Variants in FHIT observed in about 807,000 individuals in gnomAD.
FHIT encodes fragile histidine triad diadenosine triphosphatase.
In FHIT, 19 loss-of-function variants were observed where a neutral mutation model predicts 17.9. The observed-to-expected ratio is 1.06, with a 90% CI of 0.74 to 1.56. FHIT has a LOEUF of 1.56. Among genes scored for constraint, FHIT ranks in the 40% most tolerant of loss-of-function variants. The pLI is 0.00. For missense variants in FHIT, 248 were observed against 189.2 expected, an observed-to-expected ratio of 1.31 and a Z score of -1.82; for synonymous variants, 81 against 69.7, an observed-to-expected ratio of 1.16 and a Z score of -0.81.
intron 5 of FHIT, among the ~76,000 whole-genome samples, chr3:60,470,058 T>TTCTCTCTCTCTCTCTCTCTCTCTCTC (rs796525437): frequency 1.2e-4 from 17 of 142,930 alleles, no homozygotes; most frequent in African/African-American, 4.1e-4. Context: ...CTCTCTTTCT[T>TTCTCTCTCTCTCTCTCTCTCTCTCTC]TCTCTCTCTC....
chr3:60,901,722 C>CT (rs558702301), intron 3 of FHIT, among the ~76,000 whole-genome samples: 4 of 151,592 alleles, frequency 2.6e-5, no homozygotes, highest in African/African-American at 9.7e-5. Context: ...TAGCTAGGTA[C>CT]TTTTTTTTTC....
chr3:60,218,857 CTACA>C (rs36071604), intron 5 of FHIT, among the ~76,000 whole-genome samples: 5 of 151,816 alleles, frequency 3.3e-5, no homozygotes, highest in Admixed American at 2.0e-4. Context: ...TCTATACTGC[CTACA>C]TACATACATA....
chr3:60,151,874 C>T (rs1700480819), intron 5 of FHIT, among the ~76,000 whole-genome samples: 1 of 152,114 alleles, frequency 6.6e-6, no homozygotes, highest in Non-Finnish European at 1.5e-5. Context: ...CCTTATTTTC[C>T]TCCTAGCACC....
At position 60,225,551 on chromosome 3, in the gene FHIT, G is replaced by A. The variant is rs116072054; in HGVS notation, c.104-211399C>T. On this transcript the variant is annotated intron_variant, in intron 5 of 9. Transcript: ENST00000492590. ...CCAGGAAGAGGGAAAAGACAGGGCA[G>A]ATACAAGACAGTCTGCACGCAGAAT... Among the ~76,000 whole-genome samples, 885 of 152,298 alleles carry A rather than the reference G, an allele frequency of 5.8e-3. 10 individuals carry two copies. The highest frequency in any genetic ancestry group is 0.019 in the African/African-American group (810 of 41,568).
intron 2 of FHIT, among the ~76,000 whole-genome samples, chr3:61,105,147 T>C (rs1247999102): frequency 6.6e-6 from 1 of 152,082 alleles, no homozygotes; most frequent in Non-Finnish European, 1.5e-5. Context: ...GGCACTCTGG[T>C]TTTTTGAGTT....
At chr3:59,863,968 C>G (rs1273832815) in intron 8 of FHIT, among the ~76,000 whole-genome samples, 2 of 152,116 alleles carry the variant, frequency 1.3e-5, no homozygotes, top group Admixed American at 6.5e-5. Flanking sequence ...TGTGGCTTGC[C>G]ATGGCCAATG....
intron 7 of FHIT, among the ~76,000 whole-genome samples, chr3:59,948,645 C>T (rs1403247188): frequency 6.6e-6 from 1 of 152,174 alleles, no homozygotes; most frequent in Non-Finnish European, 1.5e-5. Context: ...GCATCTGGTG[C>T]TGTCATTTTA....
chr3:60,773,233 A>T (rs774761876), intron 4 of FHIT, among the ~76,000 whole-genome samples: 1 of 152,220 alleles, frequency 6.6e-6, no homozygotes, highest in Non-Finnish European at 1.5e-5. Flanking sequence ...CTGCACAATC[A>T]TGGTCAAAAT....
intron 1 of FHIT, among the ~76,000 whole-genome samples, chr3:61,247,016 C>T (rs1158149252): frequency 6.6e-6 from 1 of 151,872 alleles, no homozygotes; most frequent in African/African-American, 2.4e-5. Context: ...TCCCTCCCTC[C>T]CTCCTGTCCT....
At chr3:59,958,755 G>A (rs544683211) in intron 7 of FHIT, among the ~76,000 whole-genome samples, 10 of 152,152 alleles carry the variant, frequency 6.6e-5, no homozygotes, top group African/African-American at 1.4e-4. Context: ...TCTCTTCCGG[G>A]GCCAACCTTC....
Position 60,056,163 on chromosome 3 carries a change from G to A in FHIT, c.104-42011C>T, listed in dbSNP as rs151115669. ...CTGAGTCAGGTTTGGCAGGGCAGGG[G>A]TTCAGTGTACAATATTTCTGCCTTA... On this transcript the variant is annotated intron_variant, in intron 5 of 9. Coordinates refer to ENST00000492590, the MANE Select transcript of FHIT (RefSeq NM_002012.4). Among the ~76,000 whole-genome samples the A allele has an allele frequency of 2.2e-3, 340 of 152,288 alleles. 1 individual carries two copies. Among genetic ancestry groups the A allele is most frequent in the African/African-American group, 7.7e-3 (322 of 41,560 alleles).
intron 5 of FHIT, among the ~76,000 whole-genome samples, chr3:60,359,806 G>A (rs1699830377): frequency 6.6e-6 from 1 of 152,064 alleles, no homozygotes. Flanking sequence ...CAGCATCACA[G>A]GCAAAGGTCC....
intron 8 of FHIT, among the ~76,000 whole-genome samples, chr3:59,827,535 C>T (rs762173410): frequency 1.6e-4 from 25 of 152,228 alleles, no homozygotes; most frequent in Middle Eastern, 3.4e-3. Context: ...GCAGATACTG[C>T]GAGCAGCTAT....
chr3:60,596,193 A>G (rs1422401173), intron 4 of FHIT: 3 of 216,962 alleles, frequency 1.4e-5, no homozygotes, highest in Non-Finnish European at 2.3e-5. Flanking sequence ...ATAATCTACT[A>G]AACACCCAGT....
chr3:59,790,455 C>CT (rs1180845343), intron 8 of FHIT, among the ~76,000 whole-genome samples: 2 of 152,076 alleles, frequency 1.3e-5, no homozygotes, highest in Middle Eastern at 3.2e-3. Context: ...AGCAGCTTCC[C>CT]TAACTTTTAC....
intron 4 of FHIT, among the ~76,000 whole-genome samples, chr3:60,711,278 CA>C (rs2041523191): frequency 2.0e-5 from 3 of 152,264 alleles, no homozygotes; most frequent in African/African-American, 4.8e-5. Context: ...ATCTGTACAT[CA>C]CCATCATCAA....
intron 4 of FHIT, among the ~76,000 whole-genome samples, chr3:60,659,781 C>T (rs1716702): frequency 0.97 from 147,591 of 152,298 alleles, 71,572 homozygotes; most frequent in East Asian, 1. Context: ...GGACAGACCT[C>T]GTTGGTTCAT....
intron 8 of FHIT, among the ~76,000 whole-genome samples, chr3:59,888,021 T>C (rs1018652876): frequency 3.9e-5 from 6 of 152,230 alleles, no homozygotes; most frequent in African/African-American, 1.2e-4. Context: ...GTCTTTTTTC[T>C]TGGGTCTGCT....
intron 4 of FHIT, among the ~76,000 whole-genome samples, chr3:60,556,911 C>G (rs1009524833): frequency 4.6e-5 from 7 of 152,170 alleles, no homozygotes; most frequent in African/African-American, 1.7e-4. Flanking sequence ...TAAGAGAAGT[C>G]ATTTCTGAAA....
Sources: gnomAD v4.1 joint callset for allele counts (sites outside exome capture counted in the v4.1 genomes callset) on GRCh38, gnomAD v4.1.1 for gene constraint, MANE v1.5 for transcripts, NCBI Gene and HGNC (gene_info 2026-07-23, HGNC 2026-07-21) for gene names.